Variants in NFIA observed in about 807,000 individuals in gnomAD.
The protein encoded by NFIA is nuclear factor 1 A-type.
Under a neutral mutation model 62.8 loss-of-function variants are expected in NFIA, and 8 were observed. The observed-to-expected ratio is 0.13, with a 90% CI of 0.07 to 0.23. The LOEUF is 0.23. NFIA is among the 10% of genes least tolerant of loss of function. The pLI, the probability that NFIA is intolerant of heterozygous loss-of-function variation, is 1.00. For missense variants in NFIA, 410 were observed against 642.1 expected, an observed-to-expected ratio of 0.64 and a Z score of 3.91; for synonymous variants, 235 against 238.1, an observed-to-expected ratio of 0.99 and a Z score of 0.12.
intron 2 of NFIA, among the ~76,000 whole-genome samples, chr1:61,189,603 T>TG (rs1331920927): frequency 6.6e-6 from 1 of 151,992 alleles, no homozygotes; most frequent in Non-Finnish European, 1.5e-5. Flanking sequence ...AGGCGGAAGT[T>TG]GCAGTGAGCC....
chr1:61,151,349 A>G (rs1648385466), intron 2 of NFIA, among the ~76,000 whole-genome samples: 3 of 149,620 alleles, frequency 2.0e-5, no homozygotes, highest in East Asian at 3.9e-4. Context: ...AGCTGGGACT[A>G]CAGGCTTGCA....
rs186975438 is a variant in NFIA, at chr1:61,188,300, G to A, written c.560-89220G>A. Among the ~76,000 whole-genome samples, 123 of 152,184 alleles carry A rather than the reference G, an allele frequency of 8.1e-4. 2 individuals are homozygous for A. The highest frequency in any genetic ancestry group is 2.8e-3 in the African/African-American group (117 of 41,524). ...TGACCATCTTTAGATTTCAGAGAAG[G>A]AAGAACATGATCCCAGAAAGCACAC... On this transcript the variant is annotated intron_variant, in intron 2 of 10. Transcript: ENST00000403491.
At chr1:61,209,532 C>T (rs1017381165) in intron 2 of NFIA, among the ~76,000 whole-genome samples, 1 of 151,858 alleles carries the variant, frequency 6.6e-6, no homozygotes, top group African/African-American at 2.4e-5. Context: ...AAAAGTAATA[C>T]GAGGCCAGGC....
At chr1:61,439,983 C>T (rs960264501) in intron 10 of NFIA, among the ~76,000 whole-genome samples, 5 of 152,218 alleles carry the variant, frequency 3.3e-5, no homozygotes, top group South Asian at 2.1e-4. Context: ...CCTGTGTGAA[C>T]GGACAAAACT....
chr1:61,405,070 G>A (rs1365725641), intron 8 of NFIA, among the ~76,000 whole-genome samples: 1 of 152,114 alleles, frequency 6.6e-6, no homozygotes, highest in Non-Finnish European at 1.5e-5. Context: ...ACTAATAACT[G>A]TGCATGAAGT....
intron 4 of NFIA, among the ~76,000 whole-genome samples, chr1:61,347,276 C>T (rs1662285077): frequency 6.7e-6 from 1 of 148,886 alleles, no homozygotes; most frequent in Non-Finnish European, 1.5e-5. Flanking sequence ...TGGGTTCACA[C>T]CATTCTCCTG....
intron 2 of NFIA, among the ~76,000 whole-genome samples, chr1:61,224,458 A>G (rs1177228593): frequency 2.6e-5 from 4 of 152,178 alleles, no homozygotes; most frequent in African/African-American, 7.2e-5. Context: ...TGTCAGTGGA[A>G]TCCTTTTTTC....
chr1:61,364,463 A>G (rs908341557), intron 6 of NFIA, among the ~76,000 whole-genome samples: 2 of 152,194 alleles, frequency 1.3e-5, no homozygotes, highest in Non-Finnish European at 2.9e-5. Flanking sequence ...GCTATCAAGA[A>G]TACTCTCAGA....
In NFIA at chr1:61,456,296, G is replaced by A. The variant is rs1668296863; in HGVS notation, c.*976G>A. The A allele has an allele frequency of 6.6e-6, 1 of 151,326 alleles. No homozygotes were observed. The highest frequency in any genetic ancestry group is 2.4e-5 in the African/African-American group (1 of 41,030). 9.4% of individuals were successfully genotyped at this position (151,326 alleles called of 1,614,324 possible). A position where few individuals can be genotyped will look rare whatever the true frequency, so the allele number is the denominator to read the frequency against. On this transcript the variant is annotated 3_prime_UTR_variant, in exon 11 of 11. Coordinates refer to ENST00000403491, the MANE Select transcript of NFIA (RefSeq NM_001134673.4). ...AATTATTGGGGTAAAAAACAGCCTT[G>A]CAAGAAAAAGGGGAGCTATTTTTGC...
At position 61,332,502 on chromosome 1, in the gene NFIA, G is replaced by A; in HGVS notation, c.626-10G>A. The A allele has an allele frequency of 6.2e-7, 1 of 1,612,932 alleles. No homozygotes were observed. On this transcript the variant is annotated splice_polypyrimidine_tract_variant and intron_variant, in intron 3 of 10. Transcript: ENST00000403491. The stretch of plus-strand genomic sequence containing the variant: ...TGACACTTTGTTTTCTTTTGTTTTT[G>A]TTTCCCCAGGACATTTGGGCTTCCA...
Position 61,082,616 on chromosome 1 carries a change from G to C in NFIA, c.-176G>C. The C allele has an allele frequency of 6.7e-7, 1 of 1,501,504 alleles. No homozygotes were observed. The highest frequency in any genetic ancestry group is 8.9e-7 in the Non-Finnish European group (1 of 1,120,764). 93.0% of individuals were successfully genotyped at this position (1,501,504 alleles called of 1,614,324 possible). ...TAGCGCTGGCTGGCTGGCTGCAGTTGAGCCGACTTGGAAATGTGAACGCAA... is the reference window on the plus strand; with the variant it reads ...TAGCGCTGGCTGGCTGGCTGCAGTTCAGCCGACTTGGAAATGTGAACGCAA... On this transcript the variant is annotated 5_prime_UTR_variant, in exon 1 of 11. Transcript: ENST00000403491.
At position 61,458,968 on chromosome 1, in the gene NFIA, G is replaced by A. The variant is rs146362747; in HGVS notation, c.*3648G>A. ...AACAGGGGTTAAGTATTAAATACAC[G>A]AAGTTACATTTTTGTTCATGTTTCA... is the stretch of plus-strand genomic sequence containing the variant. On this transcript the variant is annotated 3_prime_UTR_variant, in exon 11 of 11. Transcript: ENST00000403491. 54 of 152,222 alleles carry A rather than the reference G, an allele frequency of 3.5e-4. No individual in the cohort carries two copies. The highest frequency in any genetic ancestry group is 1.3e-3 in the African/African-American group (52 of 41,528). The allele number at this position is 152,222 out of a possible 1,614,324, so 9.4% of individuals were successfully genotyped here. A position where few individuals can be genotyped will look rare whatever the true frequency, so the allele number is the denominator to read the frequency against.
intron 4 of NFIA, among the ~76,000 whole-genome samples, chr1:61,335,403 G>A (rs539425098): frequency 6.6e-6 from 1 of 152,318 alleles, no homozygotes; most frequent in African/African-American, 2.4e-5. Flanking sequence ...CCGCATGCTG[G>A]AGTTGAAATC....
chr1:61,125,045 G>A (rs1435046600), intron 2 of NFIA: 3 of 152,008 alleles, frequency 2.0e-5, no homozygotes, highest in Non-Finnish European at 4.4e-5. Flanking sequence ...ATGGAACCTG[G>A]GACTTTTCTT....
intron 2 of NFIA, among the ~76,000 whole-genome samples, chr1:61,226,117 T>G (rs1290903683): frequency 6.6e-6 from 1 of 152,148 alleles, no homozygotes; most frequent in Admixed American, 6.5e-5. Flanking sequence ...AAGAAAGTAG[T>G]ATTTGTGTAA....
intron 9 of NFIA, among the ~76,000 whole-genome samples, chr1:61,414,130 G>A (rs75698673): frequency 0.051 from 7,694 of 151,776 alleles, 653 homozygotes; most frequent in African/African-American, 0.18. Flanking sequence ...TGACAGGTGC[G>A]CACCACCACT....
At chr1:61,140,228 G>A (rs1371352640) in intron 2 of NFIA, among the ~76,000 whole-genome samples, 1 of 152,088 alleles carries the variant, frequency 6.6e-6, no homozygotes, top group Admixed American at 6.6e-5. Flanking sequence ...TGGCCTGAAG[G>A]CTCTACAGCT....
At chr1:61,284,996 T>C (rs1416241385) in intron 3 of NFIA, among the ~76,000 whole-genome samples, 2 of 152,224 alleles carry the variant, frequency 1.3e-5, no homozygotes, top group African/African-American at 2.4e-5. Flanking sequence ...AATATATACA[T>C]AGATCTAGAT....
intron 2 of NFIA, among the ~76,000 whole-genome samples, chr1:61,177,092 C>A (rs1309209111): frequency 6.7e-6 from 1 of 150,028 alleles, no homozygotes; most frequent in East Asian, 2.0e-4. Flanking sequence ...GGCGACAGAG[C>A]GAGACTCTGT....
Sources: allele counts gnomAD v4.1 joint callset (sites outside exome capture counted in the v4.1 genomes callset), GRCh38; gene constraint gnomAD v4.1.1; transcripts MANE v1.5; gene names NCBI Gene and HGNC (gene_info 2026-07-23, HGNC 2026-07-21).